DYNC1H1: variants seen among roughly 807,000 people sequenced by gnomAD.
DYNC1H1 encodes the protein dynein cytoplasmic 1 heavy chain 1.
A neutral mutation model predicts 527.1 loss-of-function variants in DYNC1H1; 51 were observed. That is an observed-to-expected ratio of 0.10 (90% CI 0.08 to 0.12). The LOEUF (loss-of-function observed/expected upper bound fraction) is 0.12, where lower values mean the gene tolerates loss of function less well. Ranked by LOEUF, DYNC1H1 falls within the 10% of genes least tolerant of loss-of-function variation. DYNC1H1 has a pLI of 1.00. For synonymous variants in DYNC1H1, 2,189 were observed against 2,278.8 expected (o/e 0.96, Z 1.12); for missense variants, 2,771 against 5,971.8 (o/e 0.46, Z 17.66).
Position 102,018,492 on chromosome 14 carries a change from G to C in DYNC1H1, c.8219G>C (p.Gly2740Ala), listed in dbSNP as rs1025226244. 6 of 1,613,936 alleles carry C rather than the reference G, an allele frequency of 3.7e-6. No individual in the cohort carries two copies. Among genetic ancestry groups the C allele is most frequent in the Non-Finnish European group, 5.1e-6 (6 of 1,180,024 alleles). The change falls in exon 41 of 78, where the codon GGC becomes GCC. Residue 2740 changes from glycine to alanine, a missense_variant. Physicochemically the swap from Gly to Ala is moderately conservative, Grantham distance 60. Around this residue, in one of 32 missense-constraint regions of DYNC1H1, gnomAD observed 163 missense variants for 346.9 expected, o/e 0.47. Coordinates refer to ENST00000360184, the MANE Select transcript of DYNC1H1 (RefSeq NM_001376.5). This position sits in a 1 kb window ranked among gnomAD's most constrained non-coding sequence, Gnocchi z 5.2. ...HVPVVYVDYP[G>A]PASLTQIYGT... ...CCTGTCGTGTATGTGGATTACCCGG[G>C]CCCCGCCTCCCTCACACAGATCTAC...
chr14:102,003,219 A>G (rs1015640046), intron 23 of DYNC1H1, among the ~76,000 whole-genome samples: 10 of 151,524 alleles, frequency 6.6e-5, no homozygotes, highest in East Asian at 1.9e-4. Context: ...TCTACCCTCC[A>G]AGGCAGCTTG....
rs1237128420 is a variant in DYNC1H1 at position 102,055,493 on chromosome 14, CCTCCACCTCCAATTAAG to C, written c.*4938_*4954del. The C allele has an allele frequency of 2.0e-5, 3 of 152,934 alleles. No individual in the cohort carries two copies. Among genetic ancestry groups the C allele is most frequent in the African/African-American group, 7.2e-5 (3 of 41,430 alleles). The allele number at this position is 152,934 out of a possible 1,614,324, so 9.5% of individuals were successfully genotyped here. On this transcript the variant is annotated 3_prime_UTR_variant, in exon 78 of 78. Transcript: ENST00000360184. The stretch of plus-strand genomic sequence containing the variant: ...CACCTCTTTGCCAACAGCCACCAAA[CCTCCACCTCCAATTAAG>C]CTCCACCCCCATGTCCCCACTGCCC...
In DYNC1H1 at chr14:102,049,049, G is replaced by A. The variant is rs2048767603; in HGVS notation, c.13372+380G>A. 2.1e-5 allele frequency: 9 copies of A among 425,808 alleles called. No individual in the cohort carries two copies. The highest frequency in any genetic ancestry group is 1.9e-4 in the South Asian group (9 of 46,956). 26.4% of individuals were successfully genotyped at this position (425,808 alleles called of 1,614,324 possible). On this transcript the variant is annotated intron_variant, in intron 74 of 77. Transcript: ENST00000360184. The surrounding 1 kb of genome is among the most constrained non-coding windows in gnomAD (Gnocchi z 5.5). ...GGAAAAGCAGGGGCAGGCGGGCATGGGGGGCTCATCCAAAGTTGTGGGGAG... is the reference window on the plus strand; with the variant it reads ...GGAAAAGCAGGGGCAGGCGGGCATGAGGGGCTCATCCAAAGTTGTGGGGAG...
chr14:101,987,731 T>C (rs2047951966), intron 9 of DYNC1H1, 99 bp downstream of exon 9: 1 of 1,369,354 alleles, frequency 7.3e-7, no homozygotes, highest in Non-Finnish European at 1.0e-6. Context: ...TCCTTGGAAA[T>C]TATCTGTGAT....
rs1224336906 is a variant in DYNC1H1 at position 101,986,164 on chromosome 14, T to G, written c.1939T>G (p.Ser647Ala). 6.2e-7 allele frequency: 1 copy of G among 1,614,158 alleles called. No individual in the cohort carries two copies. The highest frequency in any genetic ancestry group is 1.1e-5 in the South Asian group (1 of 91,088). ...HVRDLPPVSG[S>A]IIWAKQIDRQ... ...TCGTGACTTGCCCCCTGTGTCAGGG[T>G]CTATCATCTGGGCTAAACAGATCGA... is the stretch of plus-strand genomic sequence containing the variant. The change falls in exon 8 of 78, where the codon TCT becomes GCT. Residue 647 changes from serine (S) to alanine (A), a missense_variant. Physicochemically the swap from Ser to Ala is moderately conservative, Grantham distance 99. Around this residue, in one of 32 missense-constraint regions of DYNC1H1, gnomAD observed 264 missense variants for 619.4 expected, o/e 0.43. Transcript: ENST00000360184. The surrounding 1 kb of genome is among the most constrained non-coding windows in gnomAD (Gnocchi z 8.7).
chr14:102,047,330 C>T (rs1009244615), intron 72 of DYNC1H1, among the ~76,000 whole-genome samples: 2 of 151,920 alleles, frequency 1.3e-5, no homozygotes, highest in African/African-American at 2.4e-5. Context: ...GTCAGGAGTT[C>T]AAGACCAGCC....
intron 27 of DYNC1H1, among the ~76,000 whole-genome samples, chr14:102,006,761 G>A (rs552447234): frequency 1.4e-4 from 21 of 151,548 alleles, no homozygotes; most frequent in African/African-American, 4.6e-4. Flanking sequence ...CAACATGCCC[G>A]GCTAATTTTT....
chr14:102,018,674 C>T lies in DYNC1H1; in HGVS notation c.8343+58C>T, dbSNP rs1396418176. 6 of 1,593,164 alleles carry T rather than the reference C, an allele frequency of 3.8e-6. 1 individual carries two copies. Among genetic ancestry groups the T allele is most frequent in the South Asian group, 2.2e-5 (2 of 89,304 alleles). Reference sequence around the variant, plus strand: ...GTTTTCCTCTCATAATTAAGGCACTCGATTGGTCAGGTGTGGTGGTTCACA... The same window carrying T: ...GTTTTCCTCTCATAATTAAGGCACTTGATTGGTCAGGTGTGGTGGTTCACA... On this transcript the variant is annotated intron_variant, in intron 41 of 77. Coordinates refer to ENST00000360184, the MANE Select transcript of DYNC1H1 (RefSeq NM_001376.5). This position sits in a 1 kb window ranked among gnomAD's most constrained non-coding sequence, Gnocchi z 5.2.
chr14:101,985,552 C>G lies in DYNC1H1; in HGVS notation c.1462-135C>G. 1.1e-6 allele frequency: 1 copy of G among 872,662 alleles called. No homozygotes were observed. The highest frequency in any genetic ancestry group is 2.5e-4 in the Middle Eastern group (1 of 3,950). 54.1% of individuals were successfully genotyped at this position (872,662 alleles called of 1,614,324 possible). A position where few individuals can be genotyped will look rare whatever the true frequency, so the allele number is the denominator to read the frequency against. The stretch of plus-strand genomic sequence containing the variant: ...TGTTGGCCAGGCTGGTCTCGAACTC[C>G]TGACCTCATGATCCGCCTGCCTTGG... On this transcript the variant is annotated intron_variant, in intron 7 of 77. Coordinates refer to ENST00000360184, the MANE Select transcript of DYNC1H1 (RefSeq NM_001376.5). This position sits in a 1 kb window ranked among gnomAD's most constrained non-coding sequence, Gnocchi z 5.9.
At chr14:102,000,216 T>G in intron 17 of DYNC1H1, 70 bp from the exon 18 acceptor site, 1 of 1,614,134 alleles carries the variant, frequency 6.2e-7, no homozygotes, top group South Asian at 1.1e-5. Flanking sequence ...TTGTTCATCC[T>G]CAGGGCCCTG....
intron 1 of DYNC1H1, among the ~76,000 whole-genome samples, chr14:101,968,236 G>T (rs1566992233): frequency 1.3e-5 from 2 of 152,170 alleles, no homozygotes; most frequent in Non-Finnish European, 2.9e-5. Flanking sequence ...GGTTGGTCTG[G>T]ATGAGAGCGT....
Position 102,027,368 on chromosome 14 carries a change from C to T in DYNC1H1, c.8887-15C>T, listed in dbSNP as rs757180632. The T allele has an allele frequency of 3.1e-6, 5 of 1,614,068 alleles. No homozygotes were observed. The highest frequency in any genetic ancestry group is 2.2e-5 in the East Asian group (1 of 44,876). ...AGTGAGTAGGAATGGACCTAACTTG[C>T]CTCTGCTTCTGTAGGTCCATAGGAA... On this transcript the variant is annotated splice_polypyrimidine_tract_variant and intron_variant, in intron 45 of 77. Transcript: ENST00000360184. This position sits in a 1 kb window ranked among gnomAD's most constrained non-coding sequence, Gnocchi z 7.7.
chr14:101,981,702 C>T (rs951212471), intron 5 of DYNC1H1, among the ~76,000 whole-genome samples: 5 of 152,170 alleles, frequency 3.3e-5, no homozygotes, highest in African/African-American at 1.2e-4. Context: ...ACATTACATG[C>T]GCATTCACTA....
intron 56 of DYNC1H1, chr14:102,035,180 A>C (rs1256713266): frequency 6.5e-6 from 1 of 153,924 alleles, no homozygotes; most frequent in African/African-American, 2.4e-5. Flanking sequence ...CAGCAAGCCA[A>C]GATGGTGCCA....
At chr14:102,009,810 T>A in intron 29 of DYNC1H1, 33 bp from the exon 30 acceptor site, 2 of 1,613,284 alleles carry the variant, frequency 1.2e-6, no homozygotes, top group Non-Finnish European at 1.7e-6. Flanking sequence ...TTTTTTAACA[T>A]TTCTAGTCTT....
At chr14:101,967,296 G>C (rs1456122939) in intron 1 of DYNC1H1, among the ~76,000 whole-genome samples, 1 of 152,100 alleles carries the variant, frequency 6.6e-6, no homozygotes, top group African/African-American at 2.4e-5. Context: ...ACAGTGAAAA[G>C]ATAGGCATGC....
At chr14:101,998,926 G>T (rs1484428706) in intron 16 of DYNC1H1, among the ~76,000 whole-genome samples, 2 of 131,422 alleles carry the variant, frequency 1.5e-5, no homozygotes, top group Admixed American at 1.7e-4. Context: ...CTGTCTCCCA[G>T]GCTGGAGTGC....
intron 69 of DYNC1H1, chr14:102,043,652 A>T: frequency 1.6e-6 from 1 of 608,430 alleles, no homozygotes; most frequent in Admixed American, 2.8e-5. Flanking sequence ...TCTTCTCTAG[A>T]TTTCTTACTG....
rs534076604 is a variant in DYNC1H1 at position 101,985,509 on chromosome 14, A to G, written c.1462-178A>G. Among the ~76,000 whole-genome samples the G allele has an allele frequency of 1.8e-3, 271 of 151,944 alleles. 1 individual carries two copies. Among genetic ancestry groups the G allele is most frequent in the African/African-American group, 6.3e-3 (260 of 41,430 alleles). ...CTGGCAAATTGTTTGTATTTTTAGT[A>G]GAGACTGGGTTTCACCATGTTGGCC... On this transcript the variant is annotated intron_variant, in intron 7 of 77. Coordinates refer to ENST00000360184, the MANE Select transcript of DYNC1H1 (RefSeq NM_001376.5). This position sits in a 1 kb window ranked among gnomAD's most constrained non-coding sequence, Gnocchi z 5.9.
Sources: gnomAD v4.1 joint callset for allele counts (sites outside exome capture counted in the v4.1 genomes callset) on GRCh38, gnomAD v4.1.1 for gene constraint, gnomAD v4.1.1 regional missense constraint, Gnocchi (gnomAD v3.1) non-coding constraint, MANE v1.5 for transcripts, NCBI Gene and HGNC (gene_info 2026-07-23, HGNC 2026-07-21) for gene names.